NHS: variants seen among roughly 807,000 people sequenced by gnomAD.
The protein encoded by NHS is actin remodeling regulator NHS.
In NHS, 5 loss-of-function variants were observed where a neutral mutation model predicts 72.5. The observed-to-expected ratio is 0.07, with a 90% CI of 0.04 to 0.14. The LOEUF is 0.14. Ranked by LOEUF, NHS falls within the 10% of genes least tolerant of loss-of-function variation. The pLI, the probability that NHS is intolerant of heterozygous loss-of-function variation, is 1.00. For missense variants in NHS, 1,072 were observed against 1,355.7 expected, an observed-to-expected ratio of 0.79 and a Z score of 3.29; for synonymous variants, 464 against 547.7, an observed-to-expected ratio of 0.85 and a Z score of 2.13.
At chrX:17,719,312 A>AT in intron 3 of NHS, 32 bp from the exon 4 acceptor site, 1 of 1,157,441 alleles carries the variant, frequency 8.6e-7, no homozygotes, top group South Asian at 1.9e-5. Context: ...CACGTTTTTA[A>AT]TTTTTTCTTT....
At chrX:17,378,085 T>TGTGTGTGTGTGTGTGTGTGTGTGA (rs1491390890) in intron 1 of NHS, among the ~76,000 whole-genome samples, 9 of 104,422 alleles carry the variant, frequency 8.6e-5, no homozygotes, top group African/African-American at 2.4e-4. Context: ...TGTGTGTGTG[T>TGTGTGTGTGTGTGTGTGTGTGTGA]GAGACACACC....
chrX:17,671,603 G>A (rs1430706952), intron 1 of NHS, among the ~76,000 whole-genome samples: 2 of 112,138 alleles, frequency 1.8e-5, no homozygotes, highest in Non-Finnish European at 3.8e-5. Context: ...TGTGCTTGAT[G>A]CTGAAATATA....
chrX:17,702,634 C>T (rs755052821), intron 3 of NHS, among the ~76,000 whole-genome samples: 1 of 111,418 alleles, frequency 9.0e-6, no homozygotes, highest in Non-Finnish European at 1.9e-5. Flanking sequence ...TTGCAGTGAG[C>T]CGAGATTGCA....
At chrX:17,386,691 G>GA (rs1265925694) in intron 1 of NHS, among the ~76,000 whole-genome samples, 1 of 96,753 alleles carries the variant, frequency 1.0e-5, no homozygotes, top group African/African-American at 3.8e-5. Context: ...AAAAGAAAAA[G>GA]AAAAAAAAGA....
intron 1 of NHS, among the ~76,000 whole-genome samples, chrX:17,490,128 A>C: frequency 1.8e-5 from 2 of 112,185 alleles, no homozygotes; most frequent in Middle Eastern, 4.6e-3. Flanking sequence ...CTTTAGTTTA[A>C]TTAGATGCCA....
rs2065983810 is a variant in NHS at position 17,661,774 on chromosome X, A to G, written c.566-25968A>G. ...GCCAGGGCTAGGCGCGGTGGCTGAC[A>G]GCTCACAGCTGCATCCCTCTTTGGG... On this transcript the variant is annotated intron_variant, in intron 1 of 8. Coordinates refer to ENST00000676302, the MANE Select transcript of NHS (RefSeq NM_001291867.2). 7.1e-5 allele frequency among the ~76,000 whole-genome samples: 8 copies of G among 112,152 alleles called. No individual in the cohort carries two copies. The Admixed American group carries it at 7.5e-4, about 11-fold the overall frequency.
intron 1 of NHS, among the ~76,000 whole-genome samples, chrX:17,615,195 C>CAT (rs1166425858): frequency 9.0e-4 from 73 of 81,209 alleles, no homozygotes; most frequent in African/African-American, 2.5e-3. Flanking sequence ...TATATATACA[C>CAT]ATATATACGT....
chrX:17,604,393 A>G (rs1245782069), intron 1 of NHS, among the ~76,000 whole-genome samples: 3 of 112,451 alleles, frequency 2.7e-5, no homozygotes, highest in South Asian at 3.7e-4. Context: ...AAGAGGATCA[A>G]ACATGAAGGG....
intron 1 of NHS, among the ~76,000 whole-genome samples, chrX:17,585,072 C>T (rs1429875966): frequency 2.7e-5 from 3 of 112,050 alleles, no homozygotes; most frequent in East Asian, 2.8e-4. Flanking sequence ...ATCCTCCTGC[C>T]TGGGCCTCCC....
chrX:17,576,914 G>A (rs1229067115), intron 1 of NHS, among the ~76,000 whole-genome samples: 1 of 111,782 alleles, frequency 8.9e-6, no homozygotes, highest in Admixed American at 9.5e-5. Flanking sequence ...AAAACAAATA[G>A]TATGTTCATT....
At chrX:17,437,015 A>G (rs1045563272) in intron 1 of NHS, among the ~76,000 whole-genome samples, 1 of 111,902 alleles carries the variant, frequency 8.9e-6, no homozygotes, top group African/African-American at 3.3e-5. Context: ...TTCCTATTGC[A>G]TGCCATCATC....
intron 1 of NHS, among the ~76,000 whole-genome samples, chrX:17,448,524 TG>T (rs1237005973): frequency 8.9e-6 from 1 of 112,200 alleles, no homozygotes; most frequent in Non-Finnish European, 1.9e-5. Context: ...TATGGCCATT[TG>T]GTGACTTCCA....
At chrX:17,484,258 C>G (rs948325197) in intron 1 of NHS, among the ~76,000 whole-genome samples, 1 of 112,661 alleles carries the variant, frequency 8.9e-6, no homozygotes, top group Non-Finnish European at 1.9e-5. Flanking sequence ...TTTGAGCAAC[C>G]AACCACCACA....
At chrX:17,664,858 T>C (rs748638442) in intron 1 of NHS, among the ~76,000 whole-genome samples, 93 of 111,634 alleles carry the variant, frequency 8.3e-4, no homozygotes, top group Non-Finnish European at 1.2e-3. Flanking sequence ...TTTGATCATA[T>C]AGGTCTTCTT....
intron 1 of NHS, among the ~76,000 whole-genome samples, chrX:17,380,378 CTT>C (rs201078044): frequency 1.4e-4 from 13 of 94,469 alleles, no homozygotes; most frequent in East Asian, 1.0e-3. Flanking sequence ...CTACAGAGAG[CTT>C]TTTTTTTTTT....
chrX:17,630,604 A>C (rs892926620), intron 1 of NHS, among the ~76,000 whole-genome samples: 5 of 111,192 alleles, frequency 4.5e-5, no homozygotes, highest in African/African-American at 1.6e-4. Flanking sequence ...TTTGTGCCCC[A>C]GAGATCTCCG....
chrX:17,713,808 T>C (rs2066349025), intron 3 of NHS, among the ~76,000 whole-genome samples: 1 of 112,023 alleles, frequency 8.9e-6, no homozygotes, highest in East Asian at 2.8e-4. Context: ...AGACTGGAGT[T>C]TGAAAAATCT....
At chrX:17,561,076 T>C (rs1851435381) in intron 1 of NHS, among the ~76,000 whole-genome samples, 1 of 112,623 alleles carries the variant, frequency 8.9e-6, no homozygotes, top group African/African-American at 3.2e-5. Context: ...CTACAGCAAA[T>C]TAATGTCCAG....
chrX:17,389,319 AAGGT>A (rs2064428003), intron 1 of NHS, among the ~76,000 whole-genome samples: 1 of 111,541 alleles, frequency 9.0e-6, no homozygotes, highest in Admixed American at 9.5e-5. Context: ...ATCCCCTACC[AAGGT>A]TGTTGTGTGA....
Sources: allele counts gnomAD v4.1 joint callset (sites outside exome capture counted in the v4.1 genomes callset), GRCh38; gene constraint gnomAD v4.1.1; transcripts MANE v1.5; gene names NCBI Gene and HGNC (gene_info 2026-07-23, HGNC 2026-07-21).